Variants in WASHC2A observed in about 807,000 individuals in gnomAD.
WASHC2A encodes WASH complex subunit 2A.
Under a neutral mutation model 140.3 loss-of-function variants are expected in WASHC2A, and 82 were observed. That is an observed-to-expected ratio of 0.58 (90% CI 0.49 to 0.70). The LOEUF (loss-of-function observed/expected upper bound fraction) is 0.70. WASHC2A is among the 30% of genes least tolerant of loss of function. WASHC2A has a pLI of 0.00. For missense variants in WASHC2A, 985 were observed against 1,521.8 expected, an observed-to-expected ratio of 0.65 and a Z score of 5.87; for synonymous variants, 340 against 560.8, an observed-to-expected ratio of 0.61 and a Z score of 5.56.
chr10:50,121,317 A>G lies in WASHC2A; in HGVS notation c.2478+1548A>G, dbSNP rs1236570579. Among the ~76,000 whole-genome samples, 591 of 150,372 alleles carry G rather than the reference A, an allele frequency of 3.9e-3. 47 individuals are homozygous for G. The highest frequency in any genetic ancestry group is 0.012 in the African/African-American group (489 of 39,702). On this transcript the variant is annotated intron_variant, in intron 23 of 30. Transcript: ENST00000282633. ...ATTAAGATTGAAGGATGTAAGATCA[A>G]TATGTGAAAACCAATTGTAGTTCTG...
rs1182167398 is a variant in WASHC2A at position 50,068,415 on chromosome 10, A to C, written c.126+188A>C. On this transcript the variant is annotated intron_variant, in intron 2 of 30. Transcript: ENST00000282633. ...CCGGCCACCAGGGAGAGGGGCAGAC[A>C]CTGACCGTGGCCCAGACGCGACGTT... 2.4e-3 allele frequency among the ~76,000 whole-genome samples: 364 copies of C among 151,760 alleles called. 4 individuals are homozygous for C. The highest frequency in any genetic ancestry group is 8.1e-3 in the African/African-American group (336 of 41,266).
rs1299786449 is a variant in WASHC2A at position 50,133,466 on chromosome 10, A to C, written c.*521A>C. On this transcript the variant is annotated 3_prime_UTR_variant, in exon 31 of 31. Transcript: ENST00000282633. ...AAGTTTGGCAAACTGTGGCCCCCCC[A>C]CTGTCATATTTTGTTAATAAAATTT... is the stretch of plus-strand genomic sequence containing the variant. 4.3e-6 allele frequency: 2 copies of C among 469,522 alleles called. No homozygotes were observed. The highest frequency in any genetic ancestry group is 8.8e-6 in the Non-Finnish European group (2 of 227,432). The allele number at this position is 469,522 out of a possible 1,614,324, so 29.1% of individuals were successfully genotyped here. A position where few individuals can be genotyped will look rare whatever the true frequency, so the allele number is the denominator to read the frequency against.
chr10:50,090,817 C>T lies in WASHC2A; in HGVS notation c.774C>T (p.Gly258=), dbSNP rs1346131883. The T allele has an allele frequency of 3.7e-6, 6 of 1,611,558 alleles. No individual in the cohort carries two copies. In the African/African-American group the frequency reaches 8.0e-5, roughly 22 times the overall value. The change falls in exon 9 of 31, where the codon GGC becomes GGT. Residue 258 remains glycine, a synonymous_variant. Transcript: ENST00000282633. Reference sequence around the variant, plus strand: ...GTGATGAGGAAGAGGATGATGATGGCTGTGACCTTTTCGCTGACTCTGAGA... The same window carrying T: ...GTGATGAGGAAGAGGATGATGATGGTTGTGACCTTTTCGCTGACTCTGAGA... ...QMSDEEEDDD[G]CDLFADSEKE...
Position 50,129,924 on chromosome 10 carries a change from C to A in WASHC2A, c.3593C>A (p.Pro1198His). 6.2e-7 allele frequency: 1 copy of A among 1,611,952 alleles called. No individual in the cohort carries two copies. The highest frequency in any genetic ancestry group is 1.1e-5 in the South Asian group (1 of 90,978). Residue 1198 changes from proline to histidine, a missense_variant, in exon 29 of 31, where the codon CCC becomes CAC. Pro to His is a moderately conservative substitution (Grantham distance 77). Coordinates refer to ENST00000282633, the MANE Select transcript of WASHC2A (RefSeq NM_001005751.3). ...AKPKPAKKTN[P>H]FPLLEDEDDL... Reference sequence around the variant, plus strand: ...CCAAAACCAGCAAAGAAAACAAATCCCTTTCCTCTCCTGGAAGATGAGGAT... The same window carrying A: ...CCAAAACCAGCAAAGAAAACAAATCACTTTCCTCTCCTGGAAGATGAGGAT...
At chr10:50,090,515 A>AAAAAAATATAT (rs1214596899) in intron 8 of WASHC2A, among the ~76,000 whole-genome samples, 5 of 108,736 alleles carry the variant, frequency 4.6e-5, no homozygotes, top group African/African-American at 1.6e-4. Flanking sequence ...AAAAAAAAAA[A>AAAAAAATATAT]ATATATATAT....
In WASHC2A at chr10:50,125,141, G is replaced by T. The variant is rs1337684391; in HGVS notation, c.2507G>T (p.Ser836Ile). The change falls in exon 24 of 31, where the codon AGC (serine) becomes ATC (isoleucine). Residue 836 changes from serine (S) to isoleucine (I), a missense_variant. By Grantham distance (142) the Ser-to-Ile change is moderately radical. Coordinates refer to ENST00000282633, the MANE Select transcript of WASHC2A (RefSeq NM_001005751.3). ...KGRDPDAHPK[S>I]TGVFQDEELL... is the part of the protein sequence containing the mutation. ...CGCGATCCTGATGCCCACCCCAAGA[G>T]CACAGGTGTCTTCCAGGATGAAGAG... The T allele has an allele frequency of 6.2e-7, 1 of 1,611,694 alleles. No homozygotes were observed.
chr10:50,095,662 A>T lies in WASHC2A; in HGVS notation c.1304A>T (p.Gln435Leu). The stretch of plus-strand genomic sequence containing the variant: ...ATGAAGGAGCCACAGAAGCCTGAGC[A>T]GCCCACTCCAAGGAAAAGCCCCTAT... ...PSMKEPQKPEQPTPRKSPYGP... is the reference protein window; with the variant it reads ...PSMKEPQKPELPTPRKSPYGP... Residue 435 changes from glutamine (Q) to leucine (L), a missense_variant, in exon 15 of 31, where the codon CAG becomes CTG. By Grantham distance (113) the Gln-to-Leu change is moderately radical (BLOSUM62 -2). Coordinates refer to ENST00000282633, the MANE Select transcript of WASHC2A (RefSeq NM_001005751.3). The T allele has an allele frequency of 2.5e-6, 4 of 1,611,778 alleles. No homozygotes were observed. The highest frequency in any genetic ancestry group is 3.4e-6 in the Non-Finnish European group (4 of 1,179,822).
chr10:50,127,267 A>G, intron 27 of WASHC2A, 45 bp downstream of exon 27: 1 of 1,611,876 alleles, frequency 6.2e-7, no homozygotes, highest in African/African-American at 1.3e-5. Context: ...TGTGGCATCT[A>G]TAAACTTTTT....
chr10:50,082,132 C>T (rs536001946), intron 5 of WASHC2A, among the ~76,000 whole-genome samples: 1 of 151,282 alleles, frequency 6.6e-6, no homozygotes, highest in African/African-American at 2.4e-5. Context: ...CCAAGACACA[C>T]AGCACTTTCT....
At chr10:50,092,870 C>G (rs2805166) in intron 11 of WASHC2A, among the ~76,000 whole-genome samples, 2 of 152,216 alleles carry the variant, frequency 1.3e-5, no homozygotes, top group South Asian at 2.1e-4. Context: ...CAGCCATGTC[C>G]ATTACATTAG....
chr10:50,104,417 A>C (rs1454515442), intron 18 of WASHC2A, among the ~76,000 whole-genome samples: 25 of 143,514 alleles, frequency 1.7e-4, no homozygotes, highest in Non-Finnish European at 3.3e-4. Flanking sequence ...CCCAGGCTGG[A>C]GTGCAGTGAT....
At position 50,095,715 on chromosome 10, in the gene WASHC2A, G is replaced by C; in HGVS notation, c.1357G>C (p.Asp453His). Residue 453 changes from aspartate (D) to histidine (H), a missense_variant, in exon 15 of 31, where the codon GAT (aspartate) becomes CAT (histidine). Transcript: ENST00000282633. ...TCCCCCTCCCACTGGCCTCTTTGAT[G>C]ATGATGATGGTGATGATGATGACGA... Reference protein sequence around the residue: ...YGPPPTGLFDDDDGDDDDDFF... With the variant: ...YGPPPTGLFDHDDGDDDDDFF... 1 of 1,611,534 alleles carries C rather than the reference G, an allele frequency of 6.2e-7. No homozygotes were observed. The highest frequency in any genetic ancestry group is 8.5e-7 in the Non-Finnish European group (1 of 1,179,716).
chr10:50,120,574 C>T (rs1328537982), intron 23 of WASHC2A, among the ~76,000 whole-genome samples: 2 of 111,500 alleles, frequency 1.8e-5, no homozygotes, highest in African/African-American at 7.5e-5. Context: ...GAGCCGAGAT[C>T]GCACCACTGC....
At chr10:50,110,391 G>A (rs1201965680) in intron 20 of WASHC2A, 121 bp downstream of exon 20, 1 of 1,354,308 alleles carries the variant, frequency 7.4e-7, no homozygotes, top group African/African-American at 1.4e-5. Context: ...GATTGTGCCA[G>A]TGAGAATGTC....
chr10:50,125,590 G>A (rs1843356411), intron 25 of WASHC2A, 141 bp downstream of exon 25: 1 of 1,571,046 alleles, frequency 6.4e-7, no homozygotes, highest in Admixed American at 1.7e-5. Context: ...ACATGCTGAG[G>A]GGAGCGTGTG....
At chr10:50,130,379 G>A (rs1477647014) in intron 29 of WASHC2A, among the ~76,000 whole-genome samples, 1 of 146,250 alleles carries the variant, frequency 6.8e-6, no homozygotes, top group Non-Finnish European at 1.5e-5. Context: ...GGTCCAGCTT[G>A]GGAGTTTAAC....
At chr10:50,125,759 T>C (rs1307689370) in intron 25 of WASHC2A, among the ~76,000 whole-genome samples, 1 of 152,230 alleles carries the variant, frequency 6.6e-6, no homozygotes, top group Admixed American at 6.5e-5. Context: ...TGACTAAATA[T>C]TCGTGCCTTT....
rs562426142 is a variant in WASHC2A at position 50,088,286 on chromosome 10, G to T, written c.732+964G>T. On this transcript the variant is annotated intron_variant, in intron 8 of 30. Coordinates refer to ENST00000282633, the MANE Select transcript of WASHC2A (RefSeq NM_001005751.3). ...CAATATTTTCTTTTCTTTTTTTTGAGACAGAGTCTCGCTCTGTTGCCTAGG... is the reference window on the plus strand; with the variant it reads ...CAATATTTTCTTTTCTTTTTTTTGATACAGAGTCTCGCTCTGTTGCCTAGG... Among the ~76,000 whole-genome samples the T allele has an allele frequency of 2.6e-3, 375 of 144,562 alleles. 5 individuals carry two copies. The highest frequency in any genetic ancestry group is 9.0e-3 in the African/African-American group (359 of 39,984). 94.8% of individuals were successfully genotyped at this position (144,562 alleles called of 152,430 possible).
chr10:50,131,295 C>T (rs1389317508), intron 30 of WASHC2A: 24 of 747,286 alleles, frequency 3.2e-5, no homozygotes, highest in Middle Eastern at 7.2e-4. Context: ...TTTGAAGGCA[C>T]CCAGAGTTTG....
Sources: allele counts gnomAD v4.1 joint callset (sites outside exome capture counted in the v4.1 genomes callset), GRCh38; gene constraint gnomAD v4.1.1; transcripts MANE v1.5; gene names NCBI Gene and HGNC (gene_info 2026-07-23, HGNC 2026-07-21).